Variants in HMGB1 observed in about 807,000 individuals in gnomAD.
HMGB1 encodes the protein high mobility group protein B1.
For missense variants in HMGB1, 79 were observed against 253.5 expected, an observed-to-expected ratio of 0.31 and a Z score of 4.67; for synonymous variants, 81 against 84.0, an observed-to-expected ratio of 0.96 and a Z score of 0.19.
intron 1 of HMGB1, among the ~76,000 whole-genome samples, chr13:30,514,702 A>G (rs1385289756): frequency 1.3e-5 from 2 of 149,108 alleles, no homozygotes; most frequent in South Asian, 2.1e-4. Flanking sequence ...CATCAGCACC[A>G]TCATAGCTCA....
intron 1 of HMGB1, among the ~76,000 whole-genome samples, chr13:30,543,781 G>A (rs139828177): frequency 6.5e-4 from 99 of 152,234 alleles, no homozygotes; most frequent in African/African-American, 2.3e-3. Flanking sequence ...CATGATTTCT[G>A]ATTTATTTCC....
At position 30,458,701 on chromosome 13, in the gene HMGB1, G is replaced by A. The variant is rs553237048; in HGVS notation, c.*2656C>T. 6.6e-6 allele frequency: 1 copy of A among 152,286 alleles called. No homozygotes were observed. Among genetic ancestry groups the A allele is most frequent in the South Asian group, 2.1e-4 (1 of 4,828 alleles). The allele number at this position is 152,286 out of a possible 1,614,324, so 9.4% of individuals were successfully genotyped here. On this transcript the variant is annotated 3_prime_UTR_variant, in exon 5 of 5. Coordinates refer to ENST00000341423, the MANE Select transcript of HMGB1 (RefSeq NM_002128.7). ...GGTTACAATTCCTTAGGTAGTAAGG[G>A]AAATACCTGTTGAATGGCAGTTTGT...
chr13:30,506,773 G>A lies in HMGB1; in HGVS notation c.-14-43079C>T, dbSNP rs181652973. On this transcript the variant is annotated intron_variant, in intron 1 of 4. Transcript: ENST00000405805. ...CACATCTTCCTGCTGAGTGGGGTGC[G>A]CTCCTGCAGGCTCTGGGGTTACCTG... Among the ~76,000 whole-genome samples the A allele has an allele frequency of 6.5e-4, 99 of 152,206 alleles. 1 individual carries two copies. Among genetic ancestry groups the A allele is most frequent in the Non-Finnish European group, 1.3e-3 (86 of 68,012 alleles).
At chr13:30,546,628 CG>C (rs1869171540) in intron 1 of HMGB1, among the ~76,000 whole-genome samples, 1 of 151,974 alleles carries the variant, frequency 6.6e-6, no homozygotes, top group African/African-American at 2.4e-5. Context: ...GAACTACAGG[CG>C]GGTGCCACCA....
Position 30,458,109 on chromosome 13 carries a change from C to A in HMGB1, c.*3248G>T, listed in dbSNP as rs1384652042. 1 of 152,100 alleles carries A rather than the reference C, an allele frequency of 6.6e-6. No individual in the cohort carries two copies. The highest frequency in any genetic ancestry group is 1.5e-5 in the Non-Finnish European group (1 of 68,036). The allele number at this position is 152,100 out of a possible 1,614,324, so 9.4% of individuals were successfully genotyped here. On this transcript the variant is annotated 3_prime_UTR_variant, in exon 5 of 5. Transcript: ENST00000341423. The stretch of plus-strand genomic sequence containing the variant: ...TACGGTGTGTGCAAATTTGCAGATA[C>A]CTTACCATCACATGCAAGTGTCTTA...
intron 1 of HMGB1, among the ~76,000 whole-genome samples, chr13:30,475,798 G>A (rs1205109499): frequency 6.6e-6 from 1 of 152,146 alleles, no homozygotes; most frequent in Non-Finnish European, 1.5e-5. Context: ...ATCTGATAAG[G>A]TTGGGTTCAC....
At chr13:30,558,438 C>T (rs950165295) in intron 1 of HMGB1, among the ~76,000 whole-genome samples, 3 of 151,998 alleles carry the variant, frequency 2.0e-5, no homozygotes, top group Non-Finnish European at 2.9e-5. Context: ...AAACCATTTG[C>T]TCACCAAGAC....
intron 1 of HMGB1, among the ~76,000 whole-genome samples, chr13:30,502,565 G>A (rs1887756596): frequency 6.6e-6 from 1 of 152,042 alleles, no homozygotes; most frequent in Non-Finnish European, 1.5e-5. Flanking sequence ...ATTCACTTGC[G>A]TAACATGTAC....
intron 1 of HMGB1, among the ~76,000 whole-genome samples, chr13:30,615,632 A>C (rs942936975): frequency 2.6e-5 from 4 of 152,234 alleles, no homozygotes; most frequent in African/African-American, 9.6e-5. Context: ...GAGTGCTTCT[A>C]GAAAGCAGTC....
chr13:30,545,359 A>G (rs895884099), intron 1 of HMGB1, among the ~76,000 whole-genome samples: 25 of 151,150 alleles, frequency 1.7e-4, no homozygotes, highest in African/African-American at 5.6e-4. Context: ...TATTGAGAAT[A>G]ACTGAATATT....
chr13:30,515,007 T>C (rs1004465704), intron 1 of HMGB1, among the ~76,000 whole-genome samples: 6 of 152,206 alleles, frequency 3.9e-5, no homozygotes, highest in Non-Finnish European at 8.8e-5. Flanking sequence ...CTGAAGTTAA[T>C]GCTACAGGAG....
chr13:30,479,474 G>A (rs1887178772), intron 1 of HMGB1, among the ~76,000 whole-genome samples: 1 of 152,186 alleles, frequency 6.6e-6, no homozygotes, highest in Non-Finnish European at 1.5e-5. Flanking sequence ...AATTCTAGCA[G>A]TTGTTTTTGA....
chr13:30,473,608 T>C (rs1886999295), intron 1 of HMGB1, among the ~76,000 whole-genome samples: 1 of 152,182 alleles, frequency 6.6e-6, no homozygotes, highest in South Asian at 2.1e-4. Flanking sequence ...GTAGCAAGCA[T>C]GGGTGAGCAT....
intron 1 of HMGB1, among the ~76,000 whole-genome samples, chr13:30,537,514 T>C (rs1275704586): frequency 6.6e-6 from 1 of 151,850 alleles, no homozygotes; most frequent in Non-Finnish European, 1.5e-5. Context: ...TTTGAATTTT[T>C]ATAGAAATGA....
At chr13:30,590,233 C>T (rs1323900) in intron 1 of HMGB1, among the ~76,000 whole-genome samples, 1 of 151,950 alleles carries the variant, frequency 6.6e-6, no homozygotes, top group East Asian at 1.9e-4. Flanking sequence ...AATATAGCTA[C>T]GACAACCGAG....
intron 1 of HMGB1, among the ~76,000 whole-genome samples, chr13:30,615,535 A>T (rs1270001942): frequency 1.3e-5 from 2 of 152,180 alleles, no homozygotes; most frequent in African/African-American, 4.8e-5. Flanking sequence ...CTACCAAATG[A>T]ATTTTGTTGC....
At chr13:30,614,142 GAAA>G (rs140237371) in intron 1 of HMGB1, among the ~76,000 whole-genome samples, 1,581 of 152,206 alleles carry the variant, frequency 0.01, 32 homozygotes, top group African/African-American at 0.036. Flanking sequence ...AAATTTTTCT[GAAA>G]AATATACCAG....
In HMGB1 at chr13:30,459,522, A is replaced by G. The variant is rs1886175246; in HGVS notation, c.*1835T>C. ...AGTCATTTGCTCCTCTTAACAAAAA[A>G]TCTGATGTTCGACACAATTGCAGCC... On this transcript the variant is annotated 3_prime_UTR_variant, in exon 5 of 5. Transcript: ENST00000341423. 6.6e-6 allele frequency: 1 copy of G among 152,224 alleles called. No individual in the cohort carries two copies. Among genetic ancestry groups the G allele is most frequent in the South Asian group, 2.1e-4 (1 of 4,836 alleles). The allele number at this position is 152,224 out of a possible 1,614,324, so 9.4% of individuals were successfully genotyped here.
intron 1 of HMGB1, among the ~76,000 whole-genome samples, chr13:30,508,447 GGTT>G (rs1887918774): frequency 6.6e-6 from 1 of 152,108 alleles, no homozygotes; most frequent in Non-Finnish European, 1.5e-5. Flanking sequence ...GGGAGGCAGA[GGTT>G]GCAGTGAGCC....
Sources: allele counts gnomAD v4.1 joint callset (sites outside exome capture counted in the v4.1 genomes callset), GRCh38; gene constraint gnomAD v4.1.1; transcripts MANE v1.5; gene names NCBI Gene and HGNC (gene_info 2026-07-23, HGNC 2026-07-21).